The following DOCK4 variants were observed in gnomAD, a reference collection of about 807,000 sequenced individuals.
DOCK4 encodes the protein dedicator of cytokinesis protein 4.
DOCK4 carries 97 observed loss-of-function variants against 268.1 expected under a neutral mutation model. The observed-to-expected ratio is 0.36, with a 90% confidence interval of 0.31 to 0.43. The LOEUF is 0.43. Among genes scored for constraint, DOCK4 ranks in the 20% least tolerant of loss-of-function variants. DOCK4 has a pLI of 1.00. For missense variants in DOCK4, 2,145 were observed against 2,455.7 expected (o/e 0.87, Z 2.67); for synonymous variants, 954 against 887.2 (o/e 1.08, Z -1.34).
At chr7:111,849,410 G>A (rs1355521952) in intron 23 of DOCK4, among the ~76,000 whole-genome samples, 1 of 151,898 alleles carries the variant, frequency 6.6e-6, no homozygotes, top group Non-Finnish European at 1.5e-5. Context: ...CTACATGCAC[G>A]TGCCATCACG....
chr7:112,188,132 G>A (rs1032582727), intron 1 of DOCK4, among the ~76,000 whole-genome samples: 2 of 152,158 alleles, frequency 1.3e-5, no homozygotes, highest in South Asian at 4.1e-4. Flanking sequence ...TTGCCCAAGG[G>A]CTTCAAGATA....
intron 11 of DOCK4, among the ~76,000 whole-genome samples, 192 bp from the exon 12 acceptor site, chr7:111,935,820 T>G (rs2134721400): frequency 6.6e-6 from 1 of 152,294 alleles, no homozygotes; most frequent in Middle Eastern, 3.4e-3. Context: ...TATCTGGTAA[T>G]GCCTGACCAC....
chr7:111,797,364 G>A (rs1359872599), intron 30 of DOCK4, among the ~76,000 whole-genome samples: 1 of 152,114 alleles, frequency 6.6e-6, no homozygotes, highest in Admixed American at 6.5e-5. Context: ...GGCAAATAAA[G>A]GAAAACATAG....
intron 31 of DOCK4, among the ~76,000 whole-genome samples, chr7:111,789,675 TG>T: frequency 6.6e-6 from 1 of 152,242 alleles, no homozygotes; most frequent in South Asian, 2.1e-4. Context: ...CCCATGCTTT[TG>T]GCAATAGGAG....
At chr7:112,123,581 A>G (rs1444280284) in intron 1 of DOCK4, among the ~76,000 whole-genome samples, 3 of 152,200 alleles carry the variant, frequency 2.0e-5, no homozygotes. Flanking sequence ...CTATCAAGTC[A>G]AGAAACCTCT....
At chr7:112,101,392 G>C (rs1810664787) in intron 1 of DOCK4, among the ~76,000 whole-genome samples, 2 of 152,228 alleles carry the variant, frequency 1.3e-5, no homozygotes, top group African/African-American at 4.8e-5. Context: ...ATGCTATAAA[G>C]AAGAAAGGCT....
At chr7:111,891,051 A>G (rs1009774006) in intron 16 of DOCK4, among the ~76,000 whole-genome samples, 2 of 152,194 alleles carry the variant, frequency 1.3e-5, no homozygotes, top group African/African-American at 4.8e-5. Flanking sequence ...TGTTCCTTCA[A>G]AACCTTACCA....
chr7:112,190,954 C>T (rs994663543), intron 1 of DOCK4, among the ~76,000 whole-genome samples: 1 of 152,216 alleles, frequency 6.6e-6, no homozygotes. Flanking sequence ...AGAGCAAGGG[C>T]TTCCAGTATC....
At chr7:111,960,373 A>G (rs534955078) in intron 8 of DOCK4, among the ~76,000 whole-genome samples, 32 of 150,730 alleles carry the variant, frequency 2.1e-4, no homozygotes, top group Middle Eastern at 3.4e-3. Context: ...TAAAAAAAAA[A>G]AAAAGAAAAG....
chr7:111,892,668 G>A (rs139063440), intron 16 of DOCK4, among the ~76,000 whole-genome samples: 3 of 152,178 alleles, frequency 2.0e-5, no homozygotes, highest in African/African-American at 4.8e-5. Flanking sequence ...CTCTCTCCAC[G>A]TTTCTTTTTA....
intron 8 of DOCK4, among the ~76,000 whole-genome samples, chr7:111,976,276 TATATA>T (rs1798197779): frequency 2.0e-4 from 1 of 5,092 alleles, no homozygotes. Context: ...CTATTATATA[TATATA>T]TATATATATA....
intron 1 of DOCK4, among the ~76,000 whole-genome samples, chr7:112,031,654 T>C (rs1470230036): frequency 6.6e-6 from 1 of 152,176 alleles, no homozygotes; most frequent in Non-Finnish European, 1.5e-5. Context: ...TCAACTGGCT[T>C]TTTTGAAAGA....
In DOCK4 at chr7:112,133,205, G is replaced by A. The variant is rs375214929; in HGVS notation, c.37+72897C>T. Among the ~76,000 whole-genome samples the A allele has an allele frequency of 1.1e-4, 16 of 152,210 alleles. No homozygotes were observed. In the East Asian group the frequency reaches 2.1e-3, roughly 20 times the overall value. On this transcript the variant is annotated intron_variant, in intron 1 of 52. Coordinates refer to ENST00000428084, the MANE Select transcript of DOCK4 (RefSeq NM_001363540.2). ...TGATGGAGGCCATGTGGGTGCCTGC[G>A]GGAGCTTCTGAGACCTTCAAATGCA...
chr7:112,153,467 G>A (rs954461043), intron 1 of DOCK4, among the ~76,000 whole-genome samples: 3 of 152,136 alleles, frequency 2.0e-5, no homozygotes, highest in Non-Finnish European at 4.4e-5. Context: ...CTCATACTCT[G>A]AGATGTAAGA....
intron 25 of DOCK4, among the ~76,000 whole-genome samples, chr7:111,841,922 G>C (rs75275849): frequency 0.061 from 9,345 of 152,274 alleles, 348 homozygotes; most frequent in Middle Eastern, 0.14. Context: ...ATAGAAAGCA[G>C]TTTAAAAAGT....
At chr7:112,019,423 T>C (rs1224132377) in intron 1 of DOCK4, among the ~76,000 whole-genome samples, 7 of 152,204 alleles carry the variant, frequency 4.6e-5, no homozygotes, top group Admixed American at 1.3e-4. Flanking sequence ...TACTAACAAA[T>C]AGTTATAACT....
intron 20 of DOCK4, among the ~76,000 whole-genome samples, chr7:111,870,334 T>C (rs1382564716): frequency 1.3e-5 from 2 of 149,666 alleles, no homozygotes; most frequent in African/African-American, 4.9e-5. Flanking sequence ...TTTTTTTTTT[T>C]TTTTTTTGAG....
intron 30 of DOCK4, among the ~76,000 whole-genome samples, chr7:111,802,996 C>A (rs1030401697): frequency 6.6e-6 from 1 of 152,082 alleles, no homozygotes; most frequent in African/African-American, 2.4e-5. Flanking sequence ...CTTTATCACA[C>A]CTAAAAAAGA....
chr7:112,089,171 A>G (rs1047510546), intron 1 of DOCK4, among the ~76,000 whole-genome samples: 8 of 152,110 alleles, frequency 5.3e-5, no homozygotes, highest in African/African-American at 1.9e-4. Flanking sequence ...AAAATTTAAA[A>G]TTATATGTGT....
Sources: allele counts gnomAD v4.1 joint callset (sites outside exome capture counted in the v4.1 genomes callset), GRCh38; gene constraint gnomAD v4.1.1; transcripts MANE v1.5; gene names NCBI Gene and HGNC (gene_info 2026-07-23, HGNC 2026-07-21).